RASEF: variants seen among roughly 807,000 people sequenced by gnomAD.
The protein encoded by RASEF is RAS and EF-hand domain containing.
Under a neutral mutation model 90.1 loss-of-function variants are expected in RASEF, and 68 were observed. The observed-to-expected ratio is 0.75, with a 90% CI of 0.62 to 0.92. RASEF has a LOEUF of 0.92. Ranked by LOEUF, RASEF falls within the 40% of genes least tolerant of loss-of-function variation. The pLI, the probability that RASEF is intolerant of heterozygous loss-of-function variation, is 0.00. For missense variants in RASEF, 949 were observed against 937.2 expected (o/e 1.01, Z -0.16); for synonymous variants, 331 against 345.2 (o/e 0.96, Z 0.46).
chr9:83,015,909 A>G lies in RASEF; in HGVS notation c.670-9T>C. ...TCAGCTTTGCGTTTTTCCTAAAAGAAAAAAAAATATGTTGTTCATTTAAAT... is the reference window on the plus strand; with the variant it reads ...TCAGCTTTGCGTTTTTCCTAAAAGAGAAAAAAATATGTTGTTCATTTAAAT... On this transcript the variant is annotated splice_polypyrimidine_tract_variant and intron_variant, in intron 3 of 16. Transcript: ENST00000376447. 1.3e-6 allele frequency: 2 copies of G among 1,599,298 alleles called. No homozygotes were observed. Among genetic ancestry groups the G allele is most frequent in the Non-Finnish European group, 1.7e-6 (2 of 1,168,648 alleles).
In RASEF at chr9:83,062,694, A is replaced by G. The variant is rs1240551938; in HGVS notation, c.174T>C (p.Arg58=). Residue 58 remains arginine, a synonymous_variant, in exon 1 of 17, where the codon CGT becomes CGC. Transcript: ENST00000376447. ...ACTCCTGGAAGGTGATGGCGCCGTC[A>G]CGGTCGGCGTCCAGCCGCTGGAATA... is the stretch of plus-strand genomic sequence containing the variant. ...EAVFQRLDAD[R]DGAITFQEFA... 6.4e-7 allele frequency: 1 copy of G among 1,574,756 alleles called. No individual in the cohort carries two copies. The highest frequency in any genetic ancestry group is 8.6e-7 in the Non-Finnish European group (1 of 1,169,140).
At chr9:83,123,819 G>T in the RASEF span, among the ~76,000 whole-genome samples, 1 of 152,212 alleles carries the variant, frequency 6.6e-6, no homozygotes, top group Admixed American at 6.5e-5. Flanking sequence ...ATGTAACATA[G>T]AATTTATCAT....
the RASEF span, among the ~76,000 whole-genome samples, chr9:83,123,885 G>A: frequency 1.5e-5 from 2 of 133,246 alleles, no homozygotes; most frequent in Non-Finnish European, 3.3e-5. Flanking sequence ...ACACTGTTGT[G>A]CAGCTATCAC....
the RASEF span, among the ~76,000 whole-genome samples, chr9:83,133,052 C>T: frequency 5.4e-3 from 818 of 152,222 alleles, 6 homozygotes; most frequent in African/African-American, 0.019. Context: ...ACAAACATTT[C>T]GATGCACTGA....
intron 5 of RASEF, among the ~76,000 whole-genome samples, chr9:83,010,495 G>A (rs1427884994): frequency 6.6e-6 from 1 of 152,120 alleles, no homozygotes; most frequent in Non-Finnish European, 1.5e-5. Flanking sequence ...TGTGTTTAAG[G>A]TTTTGACACA....
At chr9:83,096,504 C>T in the RASEF span, among the ~76,000 whole-genome samples, 2 of 152,110 alleles carry the variant, frequency 1.3e-5, no homozygotes, top group Non-Finnish European at 2.9e-5. Flanking sequence ...TGATTTCCAC[C>T]AAGCTCATGA....
the RASEF span, among the ~76,000 whole-genome samples, chr9:83,105,848 C>T: frequency 1.3e-5 from 2 of 152,180 alleles, no homozygotes; most frequent in Non-Finnish European, 2.9e-5. Flanking sequence ...GACTTTTACA[C>T]CATCCCATGT....
At chr9:83,089,492 TA>T in the RASEF span, among the ~76,000 whole-genome samples, 2 of 152,180 alleles carry the variant, frequency 1.3e-5, no homozygotes, top group African/African-American at 4.8e-5. Flanking sequence ...CTCTCTTGGC[TA>T]TTGTTTATCT....
chr9:83,108,654 G>A, the RASEF span, among the ~76,000 whole-genome samples: 31 of 152,226 alleles, frequency 2.0e-4, no homozygotes, highest in African/African-American at 6.7e-4. Flanking sequence ...CACAGTCATC[G>A]AACTTCAACT....
At chr9:83,191,999 A>C in the RASEF span, among the ~76,000 whole-genome samples, 1 of 152,230 alleles carries the variant, frequency 6.6e-6, no homozygotes. Flanking sequence ...TCGAAACCAC[A>C]ATGAGATACC....
At chr9:82,984,069 G>A (rs981843510) in intron 16 of RASEF, among the ~76,000 whole-genome samples, 8 of 152,168 alleles carry the variant, frequency 5.3e-5, no homozygotes, top group Admixed American at 1.3e-4. Context: ...TGAAACTAGC[G>A]GGAATCTGTG....
the RASEF span, among the ~76,000 whole-genome samples, chr9:83,173,011 G>C: frequency 6.6e-6 from 1 of 151,926 alleles, no homozygotes; most frequent in Non-Finnish European, 1.5e-5. Flanking sequence ...AGCTTTGCTG[G>C]ATATAGTATA....
chr9:83,075,969 A>G, the RASEF span, among the ~76,000 whole-genome samples: 1 of 152,034 alleles, frequency 6.6e-6, no homozygotes. Context: ...GGAGATTGAG[A>G]CCAGCCTGGC....
At chr9:83,063,564 G>A (rs1392089211), upstream of RASEF, among the ~76,000 whole-genome samples, 1 of 152,162 alleles carries the variant, frequency 6.6e-6, no homozygotes, top group Non-Finnish European at 1.5e-5. Flanking sequence ...ACTGGCTTTC[G>A]TTAACGCATT....
chr9:83,045,486 T>C (rs1035195708), intron 1 of RASEF, among the ~76,000 whole-genome samples: 1 of 152,250 alleles, frequency 6.6e-6, no homozygotes, highest in Non-Finnish European at 1.5e-5. Context: ...TCTAACAACC[T>C]AATGGATTTC....
At chr9:83,107,928 T>C in the RASEF span, among the ~76,000 whole-genome samples, 1 of 152,090 alleles carries the variant, frequency 6.6e-6, no homozygotes, top group Non-Finnish European at 1.5e-5. Context: ...TGTTGAAAAA[T>C]ACAGATGAAT....
the RASEF span, among the ~76,000 whole-genome samples, chr9:83,124,551 C>G: frequency 3.3e-5 from 5 of 152,162 alleles, no homozygotes; most frequent in African/African-American, 1.2e-4. Context: ...GCCGCAGTTT[C>G]TCCCTCCTTG....
chr9:83,091,255 A>C, the RASEF span, among the ~76,000 whole-genome samples: 2 of 152,348 alleles, frequency 1.3e-5, no homozygotes, highest in South Asian at 4.1e-4. Context: ...GAGCTTTTAA[A>C]GTCCTTATGG....
chr9:83,046,739 A>C (rs1829939676), intron 1 of RASEF, among the ~76,000 whole-genome samples: 1 of 152,132 alleles, frequency 6.6e-6, no homozygotes, highest in African/African-American at 2.4e-5. Context: ...TTATGAGACG[A>C]CTGTGTCATC....
Sources: gnomAD v4.1 joint callset for allele counts (sites outside exome capture counted in the v4.1 genomes callset) on GRCh38, gnomAD v4.1.1 for gene constraint, MANE v1.5 for transcripts, NCBI Gene and HGNC (gene_info 2026-07-23, HGNC 2026-07-21) for gene names.